Variants in HS3ST4 observed in about 807,000 individuals in gnomAD.
The protein encoded by HS3ST4 is heparan sulfate glucosamine 3-O-sulfotransferase 4.
In HS3ST4, 17 loss-of-function variants were observed where a neutral mutation model predicts 29.2. The ratio of observed to expected loss-of-function variants is 0.58; its 90% CI spans 0.40 to 0.87. The LOEUF is 0.87. Ranked by LOEUF, HS3ST4 falls within the 40% of genes least tolerant of loss-of-function variation. The probability of loss-of-function intolerance (pLI) is 0.00; values close to 1 mark genes in which losing one functional copy is unlikely to be tolerated. For missense variants in HS3ST4, 627 were observed against 634.5 expected (o/e 0.99, Z 0.13); for synonymous variants, 314 against 285.7 (o/e 1.10, Z -1.00).
intron 1 of HS3ST4, among the ~76,000 whole-genome samples, chr16:25,901,724 C>A (rs1035932120): frequency 1.3e-5 from 2 of 152,170 alleles, no homozygotes; most frequent in African/African-American, 4.8e-5. Flanking sequence ...TCTGTTCTCA[C>A]ACAGAAGAGC....
At chr16:25,773,864 A>T (rs1172988829) in intron 1 of HS3ST4, among the ~76,000 whole-genome samples, 5 of 151,900 alleles carry the variant, frequency 3.3e-5, no homozygotes, top group Admixed American at 3.3e-4. Flanking sequence ...TGCAAAACAG[A>T]TTTTGTGCTG....
rs146620290 is a variant in HS3ST4, at chr16:26,131,553, C to T, written c.735-4059C>T. 9.1e-4 allele frequency among the ~76,000 whole-genome samples: 139 copies of T among 152,226 alleles called. No individual in the cohort carries two copies. In the East Asian group the frequency reaches 0.016, roughly 18 times the overall value. On this transcript the variant is annotated intron_variant, in intron 1 of 1. Transcript: ENST00000331351. ...GTCAGATGCAGTTAAAATGAACTTA[C>T]TTAAAACCTAGAAGAGAGAAGAGAA...
chr16:26,003,368 T>A (rs970509596), intron 1 of HS3ST4, among the ~76,000 whole-genome samples: 35 of 152,324 alleles, frequency 2.3e-4, no homozygotes, highest in African/African-American at 8.2e-4. Flanking sequence ...ACATAGTCAC[T>A]GCTCAAGAAG....
intron 1 of HS3ST4, among the ~76,000 whole-genome samples, chr16:25,924,326 G>A (rs529178493): frequency 3.3e-5 from 5 of 152,082 alleles, no homozygotes; most frequent in Admixed American, 6.5e-5. Flanking sequence ...AAAAATAATA[G>A]CCCCTCTCGT....
chr16:25,846,108 T>C (rs982320019), intron 1 of HS3ST4, among the ~76,000 whole-genome samples: 3 of 152,182 alleles, frequency 2.0e-5, no homozygotes, highest in Non-Finnish European at 4.4e-5. Flanking sequence ...TTGTCAGCAG[T>C]GCGGTCTCTT....
chr16:26,032,967 A>G (rs938339116), intron 1 of HS3ST4, among the ~76,000 whole-genome samples: 3 of 152,152 alleles, frequency 2.0e-5, no homozygotes, highest in Non-Finnish European at 2.9e-5. Flanking sequence ...AAGTATTCTT[A>G]CAGTAAATTA....
chr16:25,822,225 A>G (rs1967164987), intron 1 of HS3ST4, among the ~76,000 whole-genome samples: 1 of 152,156 alleles, frequency 6.6e-6, no homozygotes, highest in Non-Finnish European at 1.5e-5. Flanking sequence ...GAATTCCAAG[A>G]TCAAGGTGCC....
At chr16:25,783,120 C>CT (rs1159357914) in intron 1 of HS3ST4, among the ~76,000 whole-genome samples, 2 of 151,458 alleles carry the variant, frequency 1.3e-5, no homozygotes, top group Admixed American at 6.6e-5. Flanking sequence ...GGAAGCTGTT[C>CT]TTTTTTTTTC....
In HS3ST4 at chr16:25,692,992, A is replaced by T. The variant is rs758588490; in HGVS notation, c.575A>T (p.Tyr192Phe). 2 of 1,611,284 alleles carry T rather than the reference A, an allele frequency of 1.2e-6. No individual in the cohort carries two copies. The highest frequency in any genetic ancestry group is 2.2e-5 in the East Asian group (1 of 44,762). The change falls in exon 1 of 2, where the codon TAT becomes TTT. Residue 192 changes from tyrosine (Y) to phenylalanine (F), a missense_variant. Tyr to Phe is a conservative substitution (Grantham distance 22, BLOSUM62 3). This residue lies in a region of HS3ST4 where 402 missense variants were observed against 340.8 expected (regional missense o/e 1.18). Coordinates refer to ENST00000331351, the MANE Select transcript of HS3ST4 (RefSeq NM_006040.3). ...ERGGAVSTPD[Y>F]GEKKLPQALI... ...GGCGGCGCCGTCAGCACCCCCGACT[A>T]TGGGGAGAAGAAGCTGCCACAGGCG...
chr16:25,811,436 CTTT>C (rs57626965), intron 1 of HS3ST4, among the ~76,000 whole-genome samples: 4 of 75,598 alleles, frequency 5.3e-5, no homozygotes, highest in Admixed American at 1.5e-4. Flanking sequence ...TTTTTTTTTT[CTTT>C]TTTTTTTTTT....
At chr16:26,098,660 C>T (rs953398786) in intron 1 of HS3ST4, among the ~76,000 whole-genome samples, 5 of 151,906 alleles carry the variant, frequency 3.3e-5, no homozygotes, top group Admixed American at 1.3e-4. Context: ...GTGCAACAAA[C>T]CAACATGGCA....
intron 1 of HS3ST4, among the ~76,000 whole-genome samples, chr16:26,071,672 C>T (rs911873419): frequency 2.0e-5 from 3 of 152,100 alleles, no homozygotes; most frequent in Admixed American, 6.5e-5. Flanking sequence ...CACCAAAGGT[C>T]GGTTGCAGGA....
intron 1 of HS3ST4, among the ~76,000 whole-genome samples, chr16:25,867,852 C>T (rs372650403): frequency 3.1e-4 from 47 of 152,094 alleles, no homozygotes; most frequent in African/African-American, 9.6e-4. Flanking sequence ...TAGTCTTCAT[C>T]GGGCCTCAGT....
chr16:26,051,344 A>G (rs1898343439), intron 1 of HS3ST4, among the ~76,000 whole-genome samples: 1 of 152,178 alleles, frequency 6.6e-6, no homozygotes, highest in Admixed American at 6.5e-5. Flanking sequence ...CTGTCTACAC[A>G]CAGATAACAC....
intron 1 of HS3ST4, among the ~76,000 whole-genome samples, chr16:26,041,806 T>G (rs1596660301): frequency 6.6e-6 from 1 of 152,206 alleles, no homozygotes; most frequent in Non-Finnish European, 1.5e-5. Flanking sequence ...CATAATACTT[T>G]AACAAGCCTG....
intron 1 of HS3ST4, among the ~76,000 whole-genome samples, chr16:25,989,519 A>G (rs1969096326): frequency 6.6e-6 from 1 of 152,206 alleles, no homozygotes; most frequent in Non-Finnish European, 1.5e-5. Context: ...GTCCTCAGCT[A>G]TATAAATTAG....
At chr16:25,898,063 T>A (rs745407434) in intron 1 of HS3ST4, among the ~76,000 whole-genome samples, 3 of 152,106 alleles carry the variant, frequency 2.0e-5, no homozygotes, top group Non-Finnish European at 4.4e-5. Flanking sequence ...AGCTTCAAGC[T>A]CCAACTGAGG....
intron 1 of HS3ST4, among the ~76,000 whole-genome samples, chr16:25,930,137 G>A (rs1968448816): frequency 6.6e-6 from 1 of 152,160 alleles, no homozygotes; most frequent in Non-Finnish European, 1.5e-5. Flanking sequence ...ACGTAGTCTT[G>A]TTCTTTTTTA....
At chr16:25,890,665 C>G (rs1215236006) in intron 1 of HS3ST4, among the ~76,000 whole-genome samples, 1 of 152,144 alleles carries the variant, frequency 6.6e-6, no homozygotes, top group Non-Finnish European at 1.5e-5. Context: ...GATCTGACCT[C>G]TCTGGGGAAA....
Sources: gnomAD v4.1 joint callset for allele counts (sites outside exome capture counted in the v4.1 genomes callset) on GRCh38, gnomAD v4.1.1 for gene constraint, gnomAD v4.1.1 regional missense constraint, MANE v1.5 for transcripts, NCBI Gene and HGNC (gene_info 2026-07-23, HGNC 2026-07-21) for gene names.